Variants in DNAJC6 observed in about 807,000 individuals in gnomAD.
DNAJC6 encodes auxilin.
A neutral mutation model predicts 110.0 loss-of-function variants in DNAJC6; 34 were observed. The observed-to-expected ratio is 0.31, with a 90% CI of 0.24 to 0.41. DNAJC6 has a LOEUF of 0.41. Among genes scored for constraint, DNAJC6 ranks in the 10% least tolerant of loss-of-function variants. The pLI is 1.00. For synonymous variants in DNAJC6, 406 were observed against 437.2 expected (o/e 0.93, Z 0.89); for missense variants, 1,031 against 1,207.8 (o/e 0.85, Z 2.17).
chr1:65,369,222 T>C (rs1385426344), intron 4 of DNAJC6, among the ~76,000 whole-genome samples: 1 of 152,202 alleles, frequency 6.6e-6, no homozygotes, highest in African/African-American at 2.4e-5. Context: ...GTGGATCCTC[T>C]GACCTGTCTC....
intron 4 of DNAJC6, among the ~76,000 whole-genome samples, chr1:65,377,797 A>T (rs1180921018): frequency 6.6e-6 from 1 of 152,222 alleles, no homozygotes; most frequent in East Asian, 1.9e-4. Flanking sequence ...GGCTAATCAA[A>T]CAAATTCCTC....
chr1:65,340,782 C>G (rs1343989415), intron 1 of DNAJC6, among the ~76,000 whole-genome samples: 2 of 152,174 alleles, frequency 1.3e-5, no homozygotes, highest in Non-Finnish European at 2.9e-5. Flanking sequence ...GCTGTCTGTC[C>G]TCTGTCACAC....
chr1:65,265,916 C>T (rs1254469435), intron 1 of DNAJC6, among the ~76,000 whole-genome samples: 4 of 152,194 alleles, frequency 2.6e-5, no homozygotes, highest in Non-Finnish European at 5.9e-5. Flanking sequence ...TTAGGGTTCG[C>T]CGGCCCCCCT....
rs1209032679 is a variant in DNAJC6, at chr1:65,264,828, ACTGTG to A, written c.-234_-230del. The A allele has an allele frequency of 3.2e-5, 51 of 1,587,946 alleles. No homozygotes were observed. In the African/African-American group the frequency reaches 4.2e-4, roughly 13 times the overall value. ...AGAGACTTCGCCCCCGAGACCGCTG[ACTGTG>A]AATGACAAATCAAAAGTCAGGGTTG... On this transcript the variant is annotated 5_prime_UTR_variant, in exon 1 of 20. Transcript: ENST00000263441.
Position 65,389,424 on chromosome 1 carries a change from A to G in DNAJC6, c.1362A>G (p.Glu454=). 1 of 1,614,112 alleles carries G rather than the reference A, an allele frequency of 6.2e-7. No homozygotes were observed. The highest frequency in any genetic ancestry group is 8.5e-7 in the Non-Finnish European group (1 of 1,180,008). Residue 454 remains glutamate (E), a synonymous_variant, in exon 10 of 19, where the codon GAA becomes GAG. Transcript: ENST00000371069. ...NPSILFSSHQ[E]HQDTLALGGQ... Reference sequence around the variant, plus strand: ...GCATCCTCTTCTCTTCTCACCAGGAACATCAAGATACGCTGGCCTTAGGAG... The same window carrying G: ...GCATCCTCTTCTCTTCTCACCAGGAGCATCAAGATACGCTGGCCTTAGGAG...
At chr1:65,290,795 A>G (rs1048191057) in intron 1 of DNAJC6, among the ~76,000 whole-genome samples, 2 of 152,214 alleles carry the variant, frequency 1.3e-5, no homozygotes, top group Admixed American at 6.5e-5. Flanking sequence ...AAAGTCAGCT[A>G]TTAGCAAAGA....
At chr1:65,302,089 AT>A (rs1219503773) in intron 1 of DNAJC6, among the ~76,000 whole-genome samples, 11 of 55,508 alleles carry the variant, frequency 2.0e-4, no homozygotes, top group African/African-American at 2.6e-4. Context: ...TATTATATAT[AT>A]TATATATATA....
At chr1:65,315,719 G>C (rs894981503) in intron 1 of DNAJC6, among the ~76,000 whole-genome samples, 1 of 152,090 alleles carries the variant, frequency 6.6e-6, no homozygotes, top group Admixed American at 6.5e-5. Context: ...TGATAGTAAC[G>C]GTCATCTTAT....
At chr1:65,288,367 G>A (rs778371509) in intron 1 of DNAJC6, among the ~76,000 whole-genome samples, 2 of 152,214 alleles carry the variant, frequency 1.3e-5, no homozygotes, top group Non-Finnish European at 2.9e-5. Context: ...ACTCTAACAT[G>A]AAAAATTTAT....
intron 1 of DNAJC6, among the ~76,000 whole-genome samples, chr1:65,282,248 GA>G (rs1362053693): frequency 6.6e-6 from 1 of 152,010 alleles, no homozygotes; most frequent in Admixed American, 6.5e-5. Context: ...CAGCATTTTA[GA>G]AAAAATTTTT....
intron 14 of DNAJC6, among the ~76,000 whole-genome samples, chr1:65,401,259 G>A (rs375799162): frequency 2.0e-5 from 3 of 152,208 alleles, no homozygotes; most frequent in African/African-American, 7.2e-5. Context: ...TTCTTATTCT[G>A]TTGATTGTTA....
intron 1 of DNAJC6, among the ~76,000 whole-genome samples, chr1:65,339,108 T>C (rs1483006937): frequency 6.6e-6 from 1 of 152,038 alleles, no homozygotes; most frequent in East Asian, 1.9e-4. Context: ...CCACCACCTA[T>C]CACAGAACCT....
intron 17 of DNAJC6, among the ~76,000 whole-genome samples, chr1:65,410,081 C>T (rs1186478782): frequency 6.6e-6 from 1 of 152,140 alleles, no homozygotes; most frequent in East Asian, 1.9e-4. Context: ...TTGGAATGCT[C>T]TTCACAGATG....
At chr1:65,371,101 A>T (rs1009367754) in intron 4 of DNAJC6, among the ~76,000 whole-genome samples, 5 of 152,220 alleles carry the variant, frequency 3.3e-5, no homozygotes, top group African/African-American at 1.2e-4. Flanking sequence ...AACCCTGGTA[A>T]AATACAGCCA....
intron 15 of DNAJC6, among the ~76,000 whole-genome samples, chr1:65,404,163 G>A (rs1646054490): frequency 6.6e-6 from 1 of 152,172 alleles, no homozygotes; most frequent in Non-Finnish European, 1.5e-5. Flanking sequence ...TGCTAGTTAT[G>A]GAATGAGTGG....
intron 1 of DNAJC6, among the ~76,000 whole-genome samples, chr1:65,343,759 A>G (rs1645411101): frequency 6.6e-6 from 1 of 152,168 alleles, no homozygotes; most frequent in Non-Finnish European, 1.5e-5. Flanking sequence ...AAAGGAAAAA[A>G]AAATATTCCG....
At chr1:65,395,161 A>T (rs1472247559) in intron 13 of DNAJC6, 129 bp downstream of exon 13, 1 of 1,030,832 alleles carries the variant, frequency 9.7e-7, no homozygotes, top group Non-Finnish European at 1.3e-6. Context: ...TCTGTTTTTG[A>T]AATTAACAAC....
intron 18 of DNAJC6, among the ~76,000 whole-genome samples, chr1:65,412,603 T>C (rs1050824648): frequency 2.0e-5 from 3 of 152,180 alleles, no homozygotes; most frequent in African/African-American, 7.2e-5. Context: ...TTAAAAACAG[T>C]CAATAGAGAT....
chr1:65,278,854 C>T (rs1009477993), intron 1 of DNAJC6: 1 of 584,498 alleles, frequency 1.7e-6, no homozygotes, highest in Middle Eastern at 9.2e-4. Flanking sequence ...ACTCATTGAT[C>T]AGGAAAGGGG....
Sources: allele counts gnomAD v4.1 joint callset (sites outside exome capture counted in the v4.1 genomes callset), GRCh38; gene constraint gnomAD v4.1.1; transcripts MANE v1.5; gene names NCBI Gene and HGNC (gene_info 2026-07-23, HGNC 2026-07-21).